Variants in CSMD1 observed in about 807,000 individuals in gnomAD.
The protein encoded by CSMD1 is CUB and Sushi multiple domains 1, also known as CUB and sushi domain-containing protein 1.
CSMD1 carries 213 observed loss-of-function variants against 417.5 expected under a neutral mutation model. That is an observed-to-expected ratio of 0.51 (90% CI 0.46 to 0.57). The LOEUF is 0.57. Among genes scored for constraint, CSMD1 ranks in the 20% least tolerant of loss-of-function variants. The pLI, the probability that CSMD1 is intolerant of heterozygous loss-of-function variation, is 0.00. For synonymous variants in CSMD1, 2,862 were observed against 1,736.8 expected, an observed-to-expected ratio of 1.65 and a Z score of -16.11; for missense variants, 6,923 against 4,529.7, an observed-to-expected ratio of 1.53 and a Z score of -15.17.
intron 31 of CSMD1, among the ~76,000 whole-genome samples, chr8:3,203,168 C>G (rs183448453): frequency 6.6e-6 from 1 of 152,180 alleles, no homozygotes; most frequent in African/African-American, 2.4e-5. Flanking sequence ...GTAACATGGT[C>G]TTAGGACTAT....
chr8:4,508,617 T>C (rs1036007722), intron 2 of CSMD1, among the ~76,000 whole-genome samples: 2 of 151,994 alleles, frequency 1.3e-5, no homozygotes, highest in Admixed American at 1.3e-4. Flanking sequence ...AGTCAGGAGA[T>C]TGGAAGATGT....
intron 3 of CSMD1, among the ~76,000 whole-genome samples, chr8:4,342,483 G>A (rs1370371543): frequency 6.6e-6 from 1 of 152,016 alleles, no homozygotes; most frequent in Admixed American, 6.6e-5. Flanking sequence ...AAAAAGCACA[G>A]GACTAAATCA....
intron 10 of CSMD1, among the ~76,000 whole-genome samples, chr8:3,550,724 C>G (rs1439891026): frequency 6.6e-6 from 1 of 152,194 alleles, no homozygotes; most frequent in African/African-American, 2.4e-5. Flanking sequence ...CCACTTTGCA[C>G]CTCCTTGAAA....
chr8:4,221,371 A>T (rs1009333002), intron 3 of CSMD1, among the ~76,000 whole-genome samples: 2 of 113,638 alleles, frequency 1.8e-5, no homozygotes, highest in Admixed American at 2.0e-4. Flanking sequence ...CTCTACAAGG[A>T]AAGTGAGAAA....
At chr8:3,184,809 C>G (rs1821643891) in intron 36 of CSMD1, among the ~76,000 whole-genome samples, 1 of 152,166 alleles carries the variant, frequency 6.6e-6, no homozygotes, top group South Asian at 2.1e-4. Context: ...TGACTCCTTA[C>G]TTCACATAAG....
At chr8:4,905,252 A>C (rs934682347) in intron 1 of CSMD1, among the ~76,000 whole-genome samples, 17 of 152,152 alleles carry the variant, frequency 1.1e-4, no homozygotes, top group Non-Finnish European at 2.2e-4. Context: ...TAACACATTA[A>C]CCAGCTATTT....
At chr8:4,277,661 T>A (rs1292511459) in intron 3 of CSMD1, among the ~76,000 whole-genome samples, 1 of 152,216 alleles carries the variant, frequency 6.6e-6, no homozygotes, top group Non-Finnish European at 1.5e-5. Flanking sequence ...GTTTGTATCA[T>A]GTACTGATTT....
Position 3,011,001 on chromosome 8 carries a change from C to T in CSMD1, c.8029+7476G>A, listed in dbSNP as rs1218089933. Among the ~76,000 whole-genome samples the T allele has an allele frequency of 5.3e-5, 8 of 152,250 alleles. No homozygotes were observed. In the East Asian group the frequency reaches 1.2e-3, roughly 22 times the overall value. ...TCGGCCTCCCAAAGTGCTGGGATTA[C>T]AGGCGTGAGCCACCGCGCCCTGCCT... On this transcript the variant is annotated intron_variant, in intron 52 of 69. Coordinates refer to ENST00000635120, the MANE Select transcript of CSMD1 (RefSeq NM_033225.6).
intron 1 of CSMD1, among the ~76,000 whole-genome samples, chr8:4,872,720 G>C (rs899941986): frequency 6.6e-6 from 1 of 152,230 alleles, no homozygotes; most frequent in African/African-American, 2.4e-5. Context: ...AAGAGACAGA[G>C]AAGAGCCTGT....
At chr8:4,548,893 C>T (rs1797745932) in intron 2 of CSMD1, among the ~76,000 whole-genome samples, 1 of 152,104 alleles carries the variant, frequency 6.6e-6, no homozygotes, top group Non-Finnish European at 1.5e-5. Context: ...CCTTAAAATA[C>T]ATTTAGAATC....
chr8:4,454,447 C>T (rs569966074), intron 2 of CSMD1, among the ~76,000 whole-genome samples: 1 of 152,232 alleles, frequency 6.6e-6, no homozygotes, highest in African/African-American at 2.4e-5. Flanking sequence ...TCTGGCTACA[C>T]CGCCGTTTGA....
chr8:3,849,653 C>A (rs1379733676), intron 5 of CSMD1, among the ~76,000 whole-genome samples: 2 of 152,072 alleles, frequency 1.3e-5, no homozygotes, highest in African/African-American at 4.8e-5. Flanking sequence ...GTCGAAGTCC[C>A]CAGGGAGGGG....
intron 2 of CSMD1, among the ~76,000 whole-genome samples, chr8:4,439,597 C>T (rs964136089): frequency 6.6e-6 from 1 of 152,060 alleles, no homozygotes; most frequent in South Asian, 2.1e-4. Context: ...TATTAACATA[C>T]TTACATATTT....
intron 1 of CSMD1, among the ~76,000 whole-genome samples, chr8:4,932,868 G>A (rs1807336152): frequency 6.6e-6 from 1 of 152,114 alleles, no homozygotes; most frequent in South Asian, 2.1e-4. Context: ...CTCAAACATA[G>A]GAAAATGCAA....
chr8:3,294,596 C>T (rs944717781), intron 25 of CSMD1, among the ~76,000 whole-genome samples: 8 of 152,160 alleles, frequency 5.3e-5, no homozygotes, highest in East Asian at 1.9e-4. Flanking sequence ...AGTGAGGCTC[C>T]GTGGGGGTAG....
chr8:4,259,622 A>G (rs1033765392), intron 3 of CSMD1, among the ~76,000 whole-genome samples: 24 of 152,138 alleles, frequency 1.6e-4, no homozygotes, highest in Non-Finnish European at 4.4e-5. Flanking sequence ...TTACAAATAT[A>G]GTCGGAGTCC....
At chr8:3,493,831 T>C (rs965240945) in intron 10 of CSMD1, 105 bp from the exon 11 acceptor site, 13 of 830,094 alleles carry the variant, frequency 1.6e-5, no homozygotes, top group Admixed American at 7.1e-5. Context: ...TGCTCCTTAA[T>C]GCCAATGTCA....
intron 25 of CSMD1, among the ~76,000 whole-genome samples, chr8:3,287,975 C>T (rs1290974191): frequency 6.8e-6 from 1 of 146,614 alleles, no homozygotes; most frequent in Non-Finnish European, 1.5e-5. Context: ...GAGATACGTC[C>T]CATCAATACC....
chr8:4,573,263 C>T (rs185014973), intron 2 of CSMD1, among the ~76,000 whole-genome samples: 75 of 152,278 alleles, frequency 4.9e-4, no homozygotes, highest in East Asian at 4.8e-3. Context: ...GATTTATCTA[C>T]CTTTGATCTT....
Sources: allele counts gnomAD v4.1 joint callset (sites outside exome capture counted in the v4.1 genomes callset), GRCh38; gene constraint gnomAD v4.1.1; transcripts MANE v1.5; gene names NCBI Gene and HGNC (gene_info 2026-07-23, HGNC 2026-07-21).